HAUS7: variants seen among roughly 807,000 people sequenced by gnomAD.
The protein encoded by HAUS7 is HAUS augmin-like complex subunit 7.
In HAUS7, 3 loss-of-function variants were observed where a neutral mutation model predicts 28.4. That is an observed-to-expected ratio of 0.11 (90% CI 0.05 to 0.27). The LOEUF (loss-of-function observed/expected upper bound fraction) is 0.27, where lower values mean the gene tolerates loss of function less well. Ranked by LOEUF, HAUS7 falls within the 10% of genes least tolerant of loss-of-function variation. HAUS7 has a pLI of 1.00. For synonymous variants in HAUS7, 165 were observed against 132.1 expected (o/e 1.25, Z -1.71); for missense variants, 284 against 297.3 (o/e 0.96, Z 0.33).
chrX:153,447,788 A>G lies in HAUS7; in HGVS notation c.*90T>C. The G allele has an allele frequency of 1.3e-6, 1 of 765,910 alleles. No homozygotes were observed. Among genetic ancestry groups the G allele is most frequent in the Non-Finnish European group, 2.1e-6 (1 of 487,289 alleles). The allele number at this position is 765,910 out of a possible 1,213,427, so 63.1% of individuals were successfully genotyped here. A position where few individuals can be genotyped will look rare whatever the true frequency, so the allele number is the denominator to read the frequency against. On this transcript the variant is annotated 3_prime_UTR_variant, in exon 10 of 10. Transcript: ENST00000370211. ...GGGCTGCAACGGCTTCTGCTGCCAC[A>G]ATCATCCATCCTCGGCCAACTCGAT... is the stretch of plus-strand genomic sequence containing the variant.
chrX:153,460,378 T>G (rs1438251135), intron 4 of HAUS7, among the ~76,000 whole-genome samples: 1 of 111,688 alleles, frequency 9.0e-6, no homozygotes, highest in Non-Finnish European at 1.9e-5. Flanking sequence ...AATCGTACGC[T>G]TTAACGCGGC....
chrX:153,491,705 G>C (rs2980043), intron 1 of HAUS7, among the ~76,000 whole-genome samples: 26,700 of 112,328 alleles, frequency 0.24, 3,162 homozygotes, highest in East Asian at 0.86. Context: ...GCCCTGTGCA[G>C]GGGCAACTGC....
chrX:153,485,926 C>T (rs1157884706), intron 1 of HAUS7: 1 of 961,631 alleles, frequency 1.0e-6, no homozygotes, highest in African/African-American at 2.0e-5. Flanking sequence ...AGTTCCTGCA[C>T]CTGTCCCACA....
At chrX:153,478,146 T>C (rs1457227638) in intron 1 of HAUS7, among the ~76,000 whole-genome samples, 1 of 112,760 alleles carries the variant, frequency 8.9e-6, no homozygotes, top group Admixed American at 9.3e-5. Context: ...TCCTCAATAC[T>C]GGCCCTGAAG....
At position 153,457,190 on chromosome X, in the gene HAUS7, G is replaced by A. The variant is rs782513065; in HGVS notation, c.393C>T (p.Asp131=). 10 of 1,201,864 alleles carry A rather than the reference G, an allele frequency of 8.3e-6. No homozygotes were observed. Among genetic ancestry groups the A allele is most frequent in the Non-Finnish European group, 1.0e-5 (9 of 886,968 alleles). Residue 131 remains aspartate (D), a synonymous_variant, in exon 5 of 10, where the codon GAC becomes GAT. Transcript: ENST00000370211. ...ACAQKQLHFM[D]QLLDTIRSLT... ...GGCTCCGGATGGTATCGAGCAACTG[G>A]TCCATGAAGTGTAGCTGCTTCTGGG... is the stretch of plus-strand genomic sequence containing the variant.
rs1556983611 is a variant in HAUS7 at position 153,462,631 on chromosome X, T to G, written c.333A>C (p.Pro111=). The part of the protein sequence containing the change: ...KLGHELMLCA[P]DDQELLKGCA... ...TTACCTTGAGGAGCTCCTGGTCATC[T>G]GGCGCACACAGCATCAGCTCGTGGC... The change falls in exon 4 of 10, where the codon CCA becomes CCC. Residue 111 remains proline (P), a synonymous_variant. Transcript: ENST00000370211. 8.3e-7 allele frequency: 1 copy of G among 1,205,684 alleles called. No homozygotes were observed. Among genetic ancestry groups the G allele is most frequent in the African/African-American group, 1.7e-5 (1 of 57,628 alleles).
chrX:153,455,697 G>A lies in HAUS7; in HGVS notation c.775C>T (p.Arg259Cys), dbSNP rs781891654. 3 of 1,203,927 alleles carry A rather than the reference G, an allele frequency of 2.5e-6. No homozygotes were observed. In the African/African-American group the frequency reaches 5.2e-5, roughly 21 times the overall value. ...TGGTGGAAGTCGGAAGTGACCAGAC[G>A]CAGCTTCTGGTCTAGGGTGCTGATG... ...ADISTLDQKL[R>C]LVTSDFHQLI... is the part of the protein sequence containing the mutation. Residue 259 changes from arginine (R) to cysteine (C), a missense_variant, in exon 8 of 10, where the codon CGT (arginine) becomes TGT (cysteine). Coordinates refer to ENST00000370211, the MANE Select transcript of HAUS7 (RefSeq NM_001385482.1).
rs1206394550 is a variant in HAUS7, at chrX:153,457,181, G to A, written c.402C>T (p.Leu134=). 1.7e-6 allele frequency: 2 copies of A among 1,204,824 alleles called. No homozygotes were observed. The highest frequency in any genetic ancestry group is 3.0e-5 in the East Asian group (1 of 33,824). ...QKQLHFMDQL[L]DTIRSLTIGC... is the part of the protein sequence containing the mutation. Reference sequence around the variant, plus strand: ...CAATGGTCAGGCTCCGGATGGTATCGAGCAACTGGTCCATGAAGTGTAGCT... The same window carrying A: ...CAATGGTCAGGCTCCGGATGGTATCAAGCAACTGGTCCATGAAGTGTAGCT... The change falls in exon 5 of 10, where the codon CTC becomes CTT. Residue 134 remains leucine (L), a synonymous_variant. Transcript: ENST00000370211.
intron 1 of HAUS7, among the ~76,000 whole-genome samples, chrX:153,487,288 G>A (rs147938328): frequency 2.7e-5 from 3 of 111,781 alleles, no homozygotes; most frequent in African/African-American, 9.8e-5. Flanking sequence ...CACCTGATCC[G>A]TCTCATCCCT....
At chrX:153,473,729 G>C (rs1290687521), upstream of HAUS7, among the ~76,000 whole-genome samples, 1 of 112,637 alleles carries the variant, frequency 8.9e-6, no homozygotes, top group African/African-American at 3.2e-5. Context: ...CGGTCTGAGT[G>C]TGAGGCTCTC....
At chrX:153,493,393 A>G (rs1203041042) in intron 1 of HAUS7, among the ~76,000 whole-genome samples, 3 of 112,012 alleles carry the variant, frequency 2.7e-5, no homozygotes, top group Non-Finnish European at 5.6e-5. Context: ...TTTCTCCACG[A>G]ATGAGTTGGC....
chrX:153,460,660 A>G (rs112538981), intron 4 of HAUS7, among the ~76,000 whole-genome samples: 1,237 of 111,843 alleles, frequency 0.011, 13 homozygotes, highest in Non-Finnish European at 0.018. Context: ...ACTTTGCCAC[A>G]ATGCCAATGT....
At chrX:153,474,062 G>T (rs12687112), upstream of HAUS7, among the ~76,000 whole-genome samples, 22,683 of 111,816 alleles carry the variant, frequency 0.2, 2,643 homozygotes, top group East Asian at 0.84. Flanking sequence ...CAAGGAAGTG[G>T]CTGTAAGCTT....
intron 1 of HAUS7, 33 bp from the exon 2 acceptor site, chrX:153,469,294 A>T (rs1556984795): frequency 1.5e-6 from 1 of 646,497 alleles, no homozygotes; most frequent in Non-Finnish European, 2.6e-6. Flanking sequence ...ACATTCACTG[A>T]AAGTCCCAGT....
intron 1 of HAUS7, among the ~76,000 whole-genome samples, chrX:153,488,460 T>TACCCCTGCCCCC (rs2089652324): frequency 8.9e-6 from 1 of 112,675 alleles, no homozygotes; most frequent in Non-Finnish European, 1.9e-5. Context: ...CGATTCCCCC[T>TACCCCTGCCCCC]ACCCCTGCCC....
chrX:153,455,181 A>G (rs782711424), intron 8 of HAUS7: 7 of 409,583 alleles, frequency 1.7e-5, no homozygotes, highest in Non-Finnish European at 2.7e-5. Context: ...GGTCATCCAC[A>G]AGAATGAATG....
chrX:153,475,041 TGCCCGAGCTCCCCGGCCGG>T (rs2124164164), upstream of HAUS7, among the ~76,000 whole-genome samples: 1 of 112,214 alleles, frequency 8.9e-6, no homozygotes, highest in East Asian at 2.8e-4. Context: ...CTTCTTGCTT[TGCCCGAGCTCCCCGGCCGG>T]GCCTGAGCTC....
chrX:153,466,555 G>C (rs1260732263), intron 2 of HAUS7, among the ~76,000 whole-genome samples: 1 of 112,001 alleles, frequency 8.9e-6, no homozygotes, highest in East Asian at 2.8e-4. Flanking sequence ...AGATGAAAAG[G>C]CGGCCCTAAA....
At chrX:153,488,602 A>C (rs2089653039) in intron 1 of HAUS7, among the ~76,000 whole-genome samples, 1 of 111,873 alleles carries the variant, frequency 8.9e-6, no homozygotes, top group African/African-American at 3.2e-5. Context: ...CAGATATGGC[A>C]CTTCCTGTTT....
Sources: allele counts gnomAD v4.1 joint callset (sites outside exome capture counted in the v4.1 genomes callset), GRCh38; gene constraint gnomAD v4.1.1; transcripts MANE v1.5; gene names NCBI Gene and HGNC (gene_info 2026-07-23, HGNC 2026-07-21).